The following GNL3L variants were observed in gnomAD, a reference collection of about 807,000 sequenced individuals.
GNL3L encodes the protein guanine nucleotide-binding protein-like 3-like protein.
Under a neutral mutation model 42.9 loss-of-function variants are expected in GNL3L, and 4 were observed. That is an observed-to-expected ratio of 0.09 (90% CI 0.05 to 0.21). The LOEUF is 0.21. GNL3L is among the 10% of genes least tolerant of loss of function. The pLI, the probability that GNL3L is intolerant of heterozygous loss-of-function variation, is 1.00. For synonymous variants in GNL3L, 159 were observed against 176.3 expected, an observed-to-expected ratio of 0.90 and a Z score of 0.78; for missense variants, 412 against 481.7, an observed-to-expected ratio of 0.86 and a Z score of 1.36.
At chrX:54,558,036 A>G (rs1198351277) in intron 14 of GNL3L, among the ~76,000 whole-genome samples, 1 of 110,221 alleles carries the variant, frequency 9.1e-6, no homozygotes, top group Non-Finnish European at 1.9e-5. Context: ...GGCGTGTGCC[A>G]CCATTCCCAG....
chrX:54,541,492 G>A, intron 5 of GNL3L, 103 bp downstream of exon 5: 1 of 371,299 alleles, frequency 2.7e-6, no homozygotes. Flanking sequence ...GGGAACAAGG[G>A]AATCAGTGTA....
chrX:54,560,145 T>C (rs1925217247), intron 15 of GNL3L, among the ~76,000 whole-genome samples: 1 of 111,124 alleles, frequency 9.0e-6, no homozygotes, highest in Admixed American at 9.6e-5. Flanking sequence ...CGTTCAGGCT[T>C]ATGGCGAACA....
intron 2 of GNL3L, among the ~76,000 whole-genome samples, chrX:54,537,957 A>G (rs1285177808): frequency 9.0e-6 from 1 of 111,491 alleles, no homozygotes; most frequent in Non-Finnish European, 1.9e-5. Flanking sequence ...TTTTTCTCAC[A>G]CAGTTCCTTT....
intron 16 of GNL3L, among the ~76,000 whole-genome samples, chrX:54,613,175 T>A (rs1926181918): frequency 9.0e-6 from 1 of 111,649 alleles, no homozygotes; most frequent in African/African-American, 3.3e-5. Flanking sequence ...TTCGAAGACC[T>A]TGTCTTTGAG....
chrX:54,561,060 A>G lies in GNL3L; in HGVS notation c.*458A>G, dbSNP rs756669305. The G allele has an allele frequency of 4.3e-5, 3 of 69,980 alleles. No homozygotes were observed. The East Asian group carries it at 1.1e-3, about 26-fold the overall frequency. 5.8% of individuals were successfully genotyped at this position (69,980 alleles called of 1,213,427 possible). On this transcript the variant is annotated 3_prime_UTR_variant, in exon 16 of 16. Coordinates refer to ENST00000360845, the MANE Select transcript of GNL3L (RefSeq NM_001184819.2). ...GCACTCTAGCCTGGGCAACAACACG[A>G]AACTCCGTCCCAAAAAAAAAAAAAA...
At chrX:54,539,738 G>C (rs1357384049) in intron 3 of GNL3L, among the ~76,000 whole-genome samples, 1 of 111,564 alleles carries the variant, frequency 9.0e-6, no homozygotes, top group Non-Finnish European at 1.9e-5. Flanking sequence ...TGCTACTGCT[G>C]GTCTGAGGAC....
rs760041555 is a variant in GNL3L, at chrX:54,580,685, T to C, written c.*45+20038T>C. Among the ~76,000 whole-genome samples the C allele has an allele frequency of 4.5e-5, 5 of 112,331 alleles. No individual in the cohort carries two copies. In the South Asian group the frequency reaches 1.1e-3, roughly 25 times the overall value. ...TGTTGTTTCCTGACTTTTTAATGATTGCCATTCTAACTGGTGTGAGATGGT... is the reference window on the plus strand; with the variant it reads ...TGTTGTTTCCTGACTTTTTAATGATCGCCATTCTAACTGGTGTGAGATGGT... On this transcript the variant is annotated intron_variant, in intron 16 of 16. Transcript: ENST00000674498.
chrX:54,545,453 G>C (rs1924745257), intron 8 of GNL3L, among the ~76,000 whole-genome samples: 3 of 110,748 alleles, frequency 2.7e-5, no homozygotes, highest in African/African-American at 9.8e-5. Context: ...TGATCTACCA[G>C]CCTTGGCTTC....
In GNL3L at chrX:54,544,285, G is replaced by C. The variant is rs1371914152; in HGVS notation, c.589G>C (p.Val197Leu). Residue 197 changes from valine to leucine, a missense_variant, in exon 8 of 16, where the codon GTG (valine) becomes CTG (leucine). Physicochemically the swap from Val to Leu is conservative, Grantham distance 32. Coordinates refer to ENST00000360845, the MANE Select transcript of GNL3L (RefSeq NM_001184819.2). ...LDYLRNELPT[V>L]AFKASTQHQV... ...TTACCTTCGGAATGAGTTGCCAACC[G>C]TGGCTTTCAAGGCCAGTACCCAGCA... 1 of 1,188,402 alleles carries C rather than the reference G, an allele frequency of 8.4e-7. No homozygotes were observed. Among genetic ancestry groups the C allele is most frequent in the Non-Finnish European group, 1.1e-6 (1 of 876,716 alleles).
At chrX:54,601,446 G>GCCAGTATGCTTTTTCTCTCC (rs1358013904) in intron 16 of GNL3L, among the ~76,000 whole-genome samples, 3 of 111,580 alleles carry the variant, frequency 2.7e-5, no homozygotes, top group Non-Finnish European at 5.7e-5. Context: ...AACATCTCTA[G>GCCAGTATGCTTTTTCTCTCC]CCAGTATGCT....
At position 54,564,922 on chromosome X, in the gene GNL3L, C is replaced by T. The variant is rs990260243; in HGVS notation, c.*4320C>T. Among the ~76,000 whole-genome samples, 5 of 104,702 alleles carry T rather than the reference C, an allele frequency of 4.8e-5. No homozygotes were observed. The highest frequency in any genetic ancestry group is 7.0e-5 in the African/African-American group (2 of 28,490). 90.9% of individuals were successfully genotyped at this position (104,702 alleles called of 115,157 possible). ...CTAATTTTTGTATTTTTAGTAGAGG[C>T]GGGGGTTTCTCCACACTGGCCAGGC... On this transcript the variant is annotated 3_prime_UTR_variant, in exon 16 of 16. Transcript: ENST00000360845.
In GNL3L at chrX:54,617,881, A is replaced by G. The variant is rs1433130118; in HGVS notation, c.*46-2964A>G. ...CGTTTCTGTTATTTATAAGCTATCC[A>G]GTTTATGGTATTTTGTTGTAGCAGC... On this transcript the variant is annotated intron_variant, in intron 16 of 16. Transcript: ENST00000674498. 5.4e-5 allele frequency among the ~76,000 whole-genome samples: 6 copies of G among 111,446 alleles called. No individual in the cohort carries two copies. In the South Asian group the frequency reaches 2.3e-3, roughly 42 times the overall value.
chrX:54,627,665 A>G, the GNL3L span, among the ~76,000 whole-genome samples: 1 of 111,151 alleles, frequency 9.0e-6, no homozygotes, highest in East Asian at 2.8e-4. Context: ...TCCTCTTAGC[A>G]GTGTTTTGCT....
chrX:54,638,406 C>T, the GNL3L span, among the ~76,000 whole-genome samples: 1 of 111,988 alleles, frequency 8.9e-6, no homozygotes, highest in Non-Finnish European at 1.9e-5. Flanking sequence ...TCATCATCAC[C>T]ACCCTCACTA....
chrX:54,573,136 G>T (rs1183221918), intron 16 of GNL3L, among the ~76,000 whole-genome samples: 2 of 112,038 alleles, frequency 1.8e-5, no homozygotes, highest in Non-Finnish European at 3.8e-5. Flanking sequence ...TCACTTCCCA[G>T]ACGGGGTGGC....
chrX:54,555,732 C>T (rs984258496), intron 14 of GNL3L, among the ~76,000 whole-genome samples: 1 of 100,703 alleles, frequency 9.9e-6, no homozygotes, highest in Non-Finnish European at 2.0e-5. Context: ...CCACCTGCCT[C>T]GGCCTCCCAA....
chrX:54,582,971 T>A (rs1230279572), intron 16 of GNL3L, among the ~76,000 whole-genome samples: 1 of 112,216 alleles, frequency 8.9e-6, no homozygotes. Context: ...ATGAAATGTC[T>A]GTTCATGTCT....
At chrX:54,607,028 C>G (rs1926079695) in intron 16 of GNL3L, among the ~76,000 whole-genome samples, 2 of 64,242 alleles carry the variant, frequency 3.1e-5, no homozygotes, top group Non-Finnish European at 5.1e-5. Context: ...TTCTTTCTTT[C>G]TTTCTTTCTT....
chrX:54,639,841 G>A, the GNL3L span, among the ~76,000 whole-genome samples: 1 of 110,662 alleles, frequency 9.0e-6, no homozygotes, highest in Non-Finnish European at 1.9e-5. Flanking sequence ...GAGGAGCTCC[G>A]GTGAGAGTAA....
Sources: gnomAD v4.1 joint callset for allele counts (sites outside exome capture counted in the v4.1 genomes callset) on GRCh38, gnomAD v4.1.1 for gene constraint, MANE v1.5 for transcripts, NCBI Gene and HGNC (gene_info 2026-07-23, HGNC 2026-07-21) for gene names.